Variants in DNAJC10 observed in about 807,000 individuals in gnomAD.
The protein encoded by DNAJC10 is endoplasmic reticulum disulfide reductase DNAJC10.
Under a neutral mutation model 115.0 loss-of-function variants are expected in DNAJC10, and 101 were observed. That is an observed-to-expected ratio of 0.88 (90% confidence interval 0.75 to 1.04). The LOEUF (loss-of-function observed/expected upper bound fraction) is 1.04. Among genes scored for constraint, DNAJC10 ranks in the 50% least tolerant of loss-of-function variants. The pLI, the probability that DNAJC10 is intolerant of heterozygous loss-of-function variation, is 0.00. For synonymous variants in DNAJC10, 307 were observed against 301.5 expected, an observed-to-expected ratio of 1.02 and a Z score of -0.19; for missense variants, 981 against 928.8, an observed-to-expected ratio of 1.06 and a Z score of -0.73.
chr2:182,762,116 A>G (rs1694299507), intron 21 of DNAJC10, among the ~76,000 whole-genome samples: 1 of 151,478 alleles, frequency 6.6e-6, no homozygotes, highest in Admixed American at 6.6e-5. Context: ...GTTGCCAAAT[A>G]AGCAGACAAT....
Position 182,783,168 on chromosome 2 carries a change from T to G in DNAJC10, c.*6036T>G, listed in dbSNP as rs540186035. On this transcript the variant is annotated 3_prime_UTR_variant, in exon 24 of 24. Coordinates refer to ENST00000264065, the MANE Select transcript of DNAJC10 (RefSeq NM_018981.4). ...CTGCATCTATTGAGATAATCATGTT[T>G]TTGTCATAACTGCTATTTCAAATGT... is the stretch of plus-strand genomic sequence containing the variant. 3 of 152,300 alleles carry G rather than the reference T, an allele frequency of 2.0e-5. No homozygotes were observed. The highest frequency in any genetic ancestry group is 4.8e-5 in the African/African-American group (2 of 41,564). 9.4% of individuals were successfully genotyped at this position (152,300 alleles called of 1,614,324 possible).
chr2:182,763,715 A>G (rs758715429), intron 22 of DNAJC10, among the ~76,000 whole-genome samples: 2 of 152,130 alleles, frequency 1.3e-5, no homozygotes, highest in Admixed American at 6.6e-5. Flanking sequence ...TGCCACGTAC[A>G]TAAGGTTGAA....
At chr2:182,759,067 A>G in intron 20 of DNAJC10, 93 bp from the exon 21 acceptor site, 1 of 1,209,144 alleles carries the variant, frequency 8.3e-7, no homozygotes, top group Non-Finnish European at 1.2e-6. Flanking sequence ...CCTTGACATC[A>G]TTTTTAACTT....
At chr2:182,738,101 G>T (rs1693632165) in intron 11 of DNAJC10, among the ~76,000 whole-genome samples, 1 of 152,044 alleles carries the variant, frequency 6.6e-6, no homozygotes, top group African/African-American at 2.4e-5. Flanking sequence ...AGTAATTAAT[G>T]ATCCCTGGAT....
At chr2:182,758,411 G>A (rs1444175872) in intron 19 of DNAJC10, among the ~76,000 whole-genome samples, 2 of 152,174 alleles carry the variant, frequency 1.3e-5, no homozygotes, top group African/African-American at 2.4e-5. Flanking sequence ...ATGAACCATG[G>A]ATTTCAAGAG....
Position 182,788,888 on chromosome 2 carries a change from G to T in DNAJC10, c.*11756G>T. 2.3e-6 allele frequency: 1 copy of T among 439,126 alleles called. No homozygotes were observed. The highest frequency in any genetic ancestry group is 1.7e-5 in the South Asian group (1 of 60,054). The allele number at this position is 439,126 out of a possible 1,614,324, so 27.2% of individuals were successfully genotyped here. ...ATTTTGTGTCTTCTTTAAAACTCTT[G>T]ATTCCTTTTAGAGTTTTTTAAATTG... On this transcript the variant is annotated 3_prime_UTR_variant, in exon 24 of 24. Transcript: ENST00000264065.
chr2:182,752,134 T>C lies in DNAJC10; in HGVS notation c.1497T>C (p.Gly499=), dbSNP rs755678046. ...ELRRASNLLY[G]QLKFGTLDCT... is the part of the protein sequence containing the mutation. Reference sequence around the variant, plus strand: ...GAAGAGCATCAAATCTTCTTTATGGTCAGCTTAAGTTTGGTACACTAGATT... The same window carrying C: ...GAAGAGCATCAAATCTTCTTTATGGCCAGCTTAAGTTTGGTACACTAGATT... Residue 499 remains glycine (G), a synonymous_variant, in exon 16 of 24, where the codon GGT becomes GGC. Coordinates refer to ENST00000264065, the MANE Select transcript of DNAJC10 (RefSeq NM_018981.4). The C allele has an allele frequency of 6.2e-7, 1 of 1,613,792 alleles. No homozygotes were observed. Among genetic ancestry groups the C allele is most frequent in the South Asian group, 1.1e-5 (1 of 91,030 alleles).
At chr2:182,748,900 C>A (rs1346633377) in intron 14 of DNAJC10, among the ~76,000 whole-genome samples, 1 of 151,832 alleles carries the variant, frequency 6.6e-6, no homozygotes, top group Non-Finnish European at 1.5e-5. Context: ...TTTCTGCCTT[C>A]ATTTTGTTAT....
chr2:182,752,076 G>A lies in DNAJC10; in HGVS notation c.1439G>A (p.Cys480Tyr), dbSNP rs1383537610. 2 of 1,610,666 alleles carry A rather than the reference G, an allele frequency of 1.2e-6. No homozygotes were observed. The highest frequency in any genetic ancestry group is 1.7e-5 in the Admixed American group (1 of 59,636). The change falls in exon 16 of 24, where the codon TGT becomes TAT. Residue 480 changes from cysteine to tyrosine, a missense_variant. Coordinates refer to ENST00000264065, the MANE Select transcript of DNAJC10 (RefSeq NM_018981.4). ...PWLVDFFAPW[C>Y]PPCRALLPEL... ...TGAATATTTTTTCTTTCCTAGTGGTGTCCACCATGTCGAGCTTTACTACCA... is the reference window on the plus strand; with the variant it reads ...TGAATATTTTTTCTTTCCTAGTGGTATCCACCATGTCGAGCTTTACTACCA...
intron 22 of DNAJC10, among the ~76,000 whole-genome samples, 171 bp from the exon 23 acceptor site, chr2:182,775,145 A>G (rs1694672602): frequency 6.9e-6 from 1 of 145,458 alleles, no homozygotes; most frequent in African/African-American, 2.6e-5. Flanking sequence ...TAGGTACATT[A>G]TGGGTTAACT....
intron 7 of DNAJC10, among the ~76,000 whole-genome samples, chr2:182,729,535 A>G (rs930139528): frequency 6.6e-6 from 1 of 152,222 alleles, no homozygotes; most frequent in Non-Finnish European, 1.5e-5. Context: ...TTTATACAAT[A>G]TGTATATTGT....
intron 4 of DNAJC10, among the ~76,000 whole-genome samples, chr2:182,720,787 T>G (rs1693131141): frequency 6.6e-6 from 1 of 152,162 alleles, no homozygotes; most frequent in Admixed American, 6.5e-5. Flanking sequence ...TGAATAATAT[T>G]AATTTCTTTC....
intron 4 of DNAJC10, among the ~76,000 whole-genome samples, chr2:182,721,724 G>A (rs1010180790): frequency 1.3e-5 from 2 of 151,972 alleles, no homozygotes; most frequent in Admixed American, 1.3e-4. Context: ...TCCTGAATCT[G>A]TAATTATTTT....
chr2:182,726,844 G>A (rs288278), intron 5 of DNAJC10, among the ~76,000 whole-genome samples: 103,277 of 151,940 alleles, frequency 0.68, 35,787 homozygotes, highest in African/African-American at 0.8. Flanking sequence ...CAATCCTGCT[G>A]CCTCAGTCTC....
At chr2:182,729,780 G>A (rs1693393485) in intron 7 of DNAJC10, 68 bp from the exon 8 acceptor site, 1 of 984,004 alleles carries the variant, frequency 1.0e-6, no homozygotes, top group South Asian at 1.6e-5. Flanking sequence ...CAAACTCTTT[G>A]GTATTATTTT....
At chr2:182,745,828 G>T (rs933593242) in intron 14 of DNAJC10, among the ~76,000 whole-genome samples, 2 of 151,602 alleles carry the variant, frequency 1.3e-5, no homozygotes, top group Admixed American at 1.3e-4. Flanking sequence ...ATGCTGGTGC[G>T]CTGCACCCAC....
chr2:182,723,606 T>G lies in DNAJC10; in HGVS notation c.418+1531T>G, dbSNP rs567403172. ...TTATATAAACCTATAGCTGTTCCTG[T>G]GTGGTTTTTATTGTCTCTCATCTCC... On this transcript the variant is annotated intron_variant, in intron 5 of 23. Coordinates refer to ENST00000264065, the MANE Select transcript of DNAJC10 (RefSeq NM_018981.4). Among the ~76,000 whole-genome samples, 4 of 152,324 alleles carry G rather than the reference T, an allele frequency of 2.6e-5. No individual in the cohort carries two copies. The East Asian group carries it at 7.7e-4, about 29-fold the overall frequency.
chr2:182,762,749 C>T lies in DNAJC10; in HGVS notation c.2213C>T (p.Ala738Val), dbSNP rs774310492. The T allele has an allele frequency of 6.2e-7, 1 of 1,612,474 alleles. No individual in the cohort carries two copies. Among genetic ancestry groups the T allele is most frequent in the Non-Finnish European group, 8.5e-7 (1 of 1,178,968 alleles). Residue 738 changes from alanine (A) to valine (V), a missense_variant, in exon 22 of 24, where the codon GCT (alanine) becomes GTT (valine). Transcript: ENST00000264065. ...GCTTATGCTCAGACATGCCAGAAAG[C>T]TGGGATCAGGGCCTATCCAACTGTT... The part of the protein sequence containing the change: ...CQAYAQTCQK[A>V]GIRAYPTVKF...
chr2:182,741,437 C>A, intron 13 of DNAJC10, 81 bp downstream of exon 13: 1 of 629,212 alleles, frequency 1.6e-6, no homozygotes, highest in Non-Finnish European at 2.5e-6. Flanking sequence ...TTTTAAATAA[C>A]ATAAAAACTC....
Sources: allele counts gnomAD v4.1 joint callset (sites outside exome capture counted in the v4.1 genomes callset), GRCh38; gene constraint gnomAD v4.1.1; transcripts MANE v1.5; gene names NCBI Gene and HGNC (gene_info 2026-07-23, HGNC 2026-07-21).